The following CCDC178 variants were observed in gnomAD, a reference collection of about 807,000 sequenced individuals.
The protein encoded by CCDC178 is coiled-coil domain-containing protein 178.
Under a neutral mutation model 117.4 loss-of-function variants are expected in CCDC178, and 126 were observed. The ratio of observed to expected loss-of-function variants is 1.07; its 90% CI spans 0.93 to 1.24. The LOEUF (loss-of-function observed/expected upper bound fraction) is 1.24, where lower values mean the gene tolerates loss of function less well. Among genes scored for constraint, CCDC178 ranks in the 50% most tolerant of loss-of-function variants. CCDC178 has a pLI of 0.00. For synonymous variants in CCDC178, 283 were observed against 313.4 expected, an observed-to-expected ratio of 0.90 and a Z score of 1.02; for missense variants, 1,030 against 986.9, an observed-to-expected ratio of 1.04 and a Z score of -0.59.
At chr18:33,295,966 C>T (rs915850844) in intron 11 of CCDC178, among the ~76,000 whole-genome samples, 2 of 152,078 alleles carry the variant, frequency 1.3e-5, no homozygotes, top group Non-Finnish European at 2.9e-5. Flanking sequence ...CTTATGTTCA[C>T]ACAAAAACTT....
At chr18:33,069,240 G>T (rs140663573) in intron 21 of CCDC178, among the ~76,000 whole-genome samples, 1 of 152,144 alleles carries the variant, frequency 6.6e-6, no homozygotes, top group South Asian at 2.1e-4. Context: ...TGAGTGAAAA[G>T]AACAAAGCTG....
intron 20 of CCDC178, among the ~76,000 whole-genome samples, chr18:33,126,847 AG>A (rs2058010848): frequency 6.6e-6 from 1 of 151,602 alleles, no homozygotes; most frequent in South Asian, 2.1e-4. Flanking sequence ...TAGTAGAGAC[AG>A]GTTTTCTGCA....
At chr18:32,978,957 A>C (rs1206502516) in intron 21 of CCDC178, among the ~76,000 whole-genome samples, 3 of 151,704 alleles carry the variant, frequency 2.0e-5, no homozygotes, top group African/African-American at 7.3e-5. Flanking sequence ...AAATCGCTTG[A>C]ACCAGGGAGG....
At chr18:33,410,548 C>A (rs1599286377) in intron 3 of CCDC178, among the ~76,000 whole-genome samples, 1 of 152,118 alleles carries the variant, frequency 6.6e-6, no homozygotes, top group East Asian at 1.9e-4. Context: ...AGATTCTAAC[C>A]CAAGGCTAAT....
intron 20 of CCDC178, among the ~76,000 whole-genome samples, chr18:33,148,766 TTGAGCTTAAAGGAAG>T (rs1294106220): frequency 2.6e-5 from 4 of 152,106 alleles, no homozygotes; most frequent in Admixed American, 2.6e-4. Context: ...AACTTAGACT[TTGAGCTTAAAGGAAG>T]TGACTTGGTG....
chr18:33,377,678 G>C (rs2063383704), intron 5 of CCDC178, among the ~76,000 whole-genome samples: 1 of 152,154 alleles, frequency 6.6e-6, no homozygotes, highest in African/African-American at 2.4e-5. Context: ...CTAGCTAGCT[G>C]TCTCAGCACC....
At chr18:32,974,461 TG>T in intron 22 of CCDC178, 85 bp downstream of exon 22, 1 of 1,259,140 alleles carries the variant, frequency 7.9e-7, no homozygotes. Context: ...TGATGGGATA[TG>T]GTTTTAATGC....
At chr18:32,996,100 T>A (rs527966676) in intron 21 of CCDC178, among the ~76,000 whole-genome samples, 1 of 151,874 alleles carries the variant, frequency 6.6e-6, no homozygotes, top group Non-Finnish European at 1.5e-5. Context: ...GAGCTTTCCT[T>A]TATGGTTTAA....
intron 3 of CCDC178, among the ~76,000 whole-genome samples, chr18:33,403,012 T>C (rs1386925837): frequency 6.6e-6 from 1 of 152,244 alleles, no homozygotes; most frequent in Non-Finnish European, 1.5e-5. Context: ...ACTAGTGCAA[T>C]AGACAATTAC....
intron 20 of CCDC178, among the ~76,000 whole-genome samples, chr18:33,126,044 T>G (rs2058000486): frequency 6.6e-6 from 1 of 152,116 alleles, no homozygotes; most frequent in African/African-American, 2.4e-5. Context: ...GTTTGTGTTT[T>G]TGGCTTAAGG....
rs189439840 is a variant in CCDC178, at chr18:33,361,243, G to A, written c.349-4897C>T. ...GCATCAAAAGGACACAATGAGGAAA[G>A]AATAGTCTCTTCAATAAATGATGCA... On this transcript the variant is annotated intron_variant, in intron 6 of 22. Transcript: ENST00000383096. Among the ~76,000 whole-genome samples the A allele has an allele frequency of 4.0e-3, 614 of 151,754 alleles. 4 individuals carry two copies. Among genetic ancestry groups the A allele is most frequent in the African/African-American group, 0.014 (592 of 41,498 alleles).
intron 20 of CCDC178, among the ~76,000 whole-genome samples, chr18:33,147,476 G>C (rs1336796944): frequency 6.7e-6 from 1 of 149,374 alleles, no homozygotes; most frequent in African/African-American, 2.5e-5. Flanking sequence ...ATAAACATGT[G>C]AACAAGGGTC....
At chr18:33,172,995 T>G (rs908334320) in intron 20 of CCDC178, among the ~76,000 whole-genome samples, 2 of 152,220 alleles carry the variant, frequency 1.3e-5, no homozygotes, top group African/African-American at 4.8e-5. Flanking sequence ...TGTACAGCTC[T>G]GCTTGATTGC....
In CCDC178 at chr18:33,130,225, A is replaced by T. The variant is rs147877913; in HGVS notation, c.2239-37315T>A. ...TGAGATTGGTGAGATTAAATAATTT[A>T]AAATATCTGTAAAAAATAGCAGATT... is the stretch of plus-strand genomic sequence containing the variant. On this transcript the variant is annotated intron_variant, in intron 20 of 22. Transcript: ENST00000383096. 1.9e-3 allele frequency among the ~76,000 whole-genome samples: 283 copies of T among 152,136 alleles called. 1 individual carries two copies. The highest frequency in any genetic ancestry group is 6.4e-3 in the African/African-American group (267 of 41,570).
rs1246730574 is a variant in CCDC178, at chr18:33,414,977, A to C, written c.-22-2867T>G. Among the ~76,000 whole-genome samples, 9 of 152,246 alleles carry C rather than the reference A, an allele frequency of 5.9e-5. No homozygotes were observed. The East Asian group carries it at 1.3e-3, about 23-fold the overall frequency. ...GCTCATCATCACTGGCCATCAGAGA[A>C]ATGCAAATCAAAACCACAATGAGAT... is the stretch of plus-strand genomic sequence containing the variant. On this transcript the variant is annotated intron_variant, in intron 2 of 22. Transcript: ENST00000383096.
At chr18:33,201,481 T>C (rs1406538611) in intron 20 of CCDC178, among the ~76,000 whole-genome samples, 3 of 152,162 alleles carry the variant, frequency 2.0e-5, no homozygotes, top group East Asian at 3.9e-4. Context: ...TTTGGCACTT[T>C]TGAGCCCCTG....
At chr18:32,954,922 A>C (rs1465953338) in intron 22 of CCDC178, among the ~76,000 whole-genome samples, 1 of 150,338 alleles carries the variant, frequency 6.7e-6, no homozygotes, top group Non-Finnish European at 1.5e-5. Flanking sequence ...CATCCACTTA[A>C]AAAAAAAAGT....
At chr18:33,276,558 T>G (rs2059952552) in intron 12 of CCDC178, among the ~76,000 whole-genome samples, 1 of 151,988 alleles carries the variant, frequency 6.6e-6, no homozygotes, top group South Asian at 2.1e-4. Context: ...GCAAAAACCA[T>G]GAAGAATGTG....
At chr18:33,413,485 T>G (rs1189348400) in intron 2 of CCDC178, among the ~76,000 whole-genome samples, 2 of 151,536 alleles carry the variant, frequency 1.3e-5, no homozygotes, top group African/African-American at 4.8e-5. Flanking sequence ...TAAATAATAT[T>G]AATAAGAAAA....
Sources: gnomAD v4.1 joint callset for allele counts (sites outside exome capture counted in the v4.1 genomes callset) on GRCh38, gnomAD v4.1.1 for gene constraint, MANE v1.5 for transcripts, NCBI Gene and HGNC (gene_info 2026-07-23, HGNC 2026-07-21) for gene names.